Variants in NALF1 observed in about 807,000 individuals in gnomAD.
NALF1 encodes the protein NALCN channel auxiliary factor 1.
Under a neutral mutation model 48.4 loss-of-function variants are expected in NALF1, and 3 were observed. The ratio of observed to expected loss-of-function variants is 0.06; its 90% CI spans 0.03 to 0.16. NALF1 has a LOEUF of 0.16. Ranked by LOEUF, NALF1 falls within the 10% of genes least tolerant of loss-of-function variation. The pLI, the probability that NALF1 is intolerant of heterozygous loss-of-function variation, is 1.00. For synonymous variants in NALF1, 262 were observed against 245.7 expected, an observed-to-expected ratio of 1.07 and a Z score of -0.62; for missense variants, 526 against 571.5, an observed-to-expected ratio of 0.92 and a Z score of 0.81.
chr13:107,422,843 T>C (rs1486854424), intron 1 of NALF1, among the ~76,000 whole-genome samples: 1 of 152,114 alleles, frequency 6.6e-6, no homozygotes, highest in Non-Finnish European at 1.5e-5. Context: ...AAGATGTCAC[T>C]AAGTAAGCTG....
At position 107,731,557 on chromosome 13, in the gene NALF1, C is replaced by T. The variant is rs1341163738; in HGVS notation, c.915+134125G>A. 2.6e-5 allele frequency among the ~76,000 whole-genome samples: 4 copies of T among 152,134 alleles called. No homozygotes were observed. The East Asian group carries it at 5.8e-4, about 22-fold the overall frequency. On this transcript the variant is annotated intron_variant, in intron 1 of 2. Transcript: ENST00000375915. ...TCTGTTGCTCTCCCTCCCATGCACC[C>T]CCGACCCTCAAGTAGGTCCCACTGT... is the stretch of plus-strand genomic sequence containing the variant.
At chr13:107,786,766 G>C (rs532131538) in intron 1 of NALF1, among the ~76,000 whole-genome samples, 6 of 152,146 alleles carry the variant, frequency 3.9e-5, no homozygotes, top group South Asian at 2.1e-4. Flanking sequence ...AAGAGAGAGA[G>C]AATATATGCC....
chr13:107,399,849 G>A (rs988196213), intron 1 of NALF1, among the ~76,000 whole-genome samples: 1 of 152,028 alleles, frequency 6.6e-6, no homozygotes, highest in African/African-American at 2.4e-5. Context: ...AAAGAATAAC[G>A]AGGTACACAT....
chr13:107,495,871 A>C (rs185342242), intron 1 of NALF1, among the ~76,000 whole-genome samples: 88 of 152,308 alleles, frequency 5.8e-4, no homozygotes, highest in Admixed American at 1.6e-3. Context: ...TAGAGTAAAA[A>C]CCAGAAACCT....
rs79026358 is a variant in NALF1, at chr13:107,850,134, A to G, written c.915+15548T>C. On this transcript the variant is annotated intron_variant, in intron 1 of 2. Transcript: ENST00000375915. ...GTTTTCTTATCTGCAAAATGGGATAATTATCAGGCCTACTTCACAGAATGA... is the reference window on the plus strand; with the variant it reads ...GTTTTCTTATCTGCAAAATGGGATAGTTATCAGGCCTACTTCACAGAATGA... Among the ~76,000 whole-genome samples the G allele has an allele frequency of 4.4e-3, 676 of 152,290 alleles. 25 individuals are homozygous for G. The East Asian group carries it at 0.084, about 19-fold the overall frequency.
intron 1 of NALF1, among the ~76,000 whole-genome samples, chr13:107,757,233 C>A (rs1877126837): frequency 6.6e-6 from 1 of 152,060 alleles, no homozygotes; most frequent in African/African-American, 2.4e-5. Context: ...GTGAGGTCAA[C>A]TCCATATTAA....
chr13:107,653,457 G>T (rs576469987), intron 1 of NALF1, among the ~76,000 whole-genome samples: 2 of 147,816 alleles, frequency 1.4e-5, no homozygotes, highest in Admixed American at 6.9e-5. Context: ...ATATAATCAA[G>T]CCTCTGCTGT....
intron 1 of NALF1, among the ~76,000 whole-genome samples, chr13:107,560,140 T>G (rs1391832086): frequency 6.6e-6 from 1 of 152,186 alleles, no homozygotes; most frequent in Non-Finnish European, 1.5e-5. Context: ...AACATTGACT[T>G]TGAAACGCCC....
intron 1 of NALF1, among the ~76,000 whole-genome samples, chr13:107,809,648 C>A (rs181578149): frequency 1.2e-4 from 18 of 152,210 alleles, no homozygotes; most frequent in African/African-American, 4.3e-4. Flanking sequence ...ATGAAATGTG[C>A]CCTCAATTTT....
At chr13:107,423,680 C>T (rs1026760054) in intron 1 of NALF1, among the ~76,000 whole-genome samples, 2 of 152,046 alleles carry the variant, frequency 1.3e-5, no homozygotes, top group Non-Finnish European at 2.9e-5. Context: ...TACTGGTATA[C>T]CTCATTATAA....
intron 1 of NALF1, among the ~76,000 whole-genome samples, chr13:107,310,019 C>T (rs563446042): frequency 2.8e-4 from 43 of 152,240 alleles, no homozygotes; most frequent in Non-Finnish European, 2.9e-5. Flanking sequence ...CCACATGGCG[C>T]TACCAATAAG....
chr13:107,198,167 T>C (rs141174906), intron 2 of NALF1, among the ~76,000 whole-genome samples: 7 of 152,318 alleles, frequency 4.6e-5, no homozygotes, highest in African/African-American at 1.7e-4. Context: ...TCAGCAATAT[T>C]GAGCAGAAAC....
At chr13:107,777,561 CT>C (rs1208906124) in intron 1 of NALF1, among the ~76,000 whole-genome samples, 1 of 152,160 alleles carries the variant, frequency 6.6e-6, no homozygotes, top group African/African-American at 2.4e-5. Flanking sequence ...CCCCGCAACT[CT>C]TTCTCTTGCT....
At chr13:107,290,361 C>T (rs919282570) in intron 1 of NALF1, among the ~76,000 whole-genome samples, 1 of 152,108 alleles carries the variant, frequency 6.6e-6, no homozygotes, top group African/African-American at 2.4e-5. Flanking sequence ...TGCATCCCCA[C>T]CCAAATCTCA....
At chr13:107,314,692 T>G (rs1337494743) in intron 1 of NALF1, among the ~76,000 whole-genome samples, 1 of 152,134 alleles carries the variant, frequency 6.6e-6, no homozygotes, top group Non-Finnish European at 1.5e-5. Flanking sequence ...ACTGAGCTCA[T>G]CCCACAGGGT....
chr13:107,565,336 C>T (rs928806522), intron 1 of NALF1, among the ~76,000 whole-genome samples: 1 of 145,420 alleles, frequency 6.9e-6, no homozygotes, highest in African/African-American at 2.5e-5. Flanking sequence ...AGTGAGCTGC[C>T]ATCGTGCCAC....
At chr13:107,757,970 A>C (rs1429381451) in intron 1 of NALF1, among the ~76,000 whole-genome samples, 1 of 152,094 alleles carries the variant, frequency 6.6e-6, no homozygotes, top group Non-Finnish European at 1.5e-5. Context: ...TCCACTATCA[A>C]TTGTTCAGGG....
chr13:107,561,221 C>T lies in NALF1; in HGVS notation c.915+304461G>A, dbSNP rs530133917. On this transcript the variant is annotated intron_variant, in intron 1 of 2. Transcript: ENST00000375915. ...CATATTGCAATTTTAACAAATATCC[C>T]GAAGATTTCCCCTGTTCTGATGGAG... Among the ~76,000 whole-genome samples the T allele has an allele frequency of 1.3e-3, 197 of 152,252 alleles. 1 individual carries two copies. The highest frequency in any genetic ancestry group is 4.5e-3 in the African/African-American group (186 of 41,554).
At chr13:107,426,234 C>T (rs568854928) in intron 1 of NALF1, among the ~76,000 whole-genome samples, 1 of 152,238 alleles carries the variant, frequency 6.6e-6, no homozygotes, top group Admixed American at 6.5e-5. Flanking sequence ...TCAGGAAGGC[C>T]TTCTTTGACT....
Sources: gnomAD v4.1 joint callset for allele counts (sites outside exome capture counted in the v4.1 genomes callset) on GRCh38, gnomAD v4.1.1 for gene constraint, MANE v1.5 for transcripts, NCBI Gene and HGNC (gene_info 2026-07-23, HGNC 2026-07-21) for gene names.